Variants in ATOH8 observed in about 807,000 individuals in gnomAD.
ATOH8 encodes transcription factor ATOH8.
A neutral mutation model predicts 21.2 loss-of-function variants in ATOH8; 9 were observed. The ratio of observed to expected loss-of-function variants is 0.42; its 90% CI spans 0.26 to 0.74. The LOEUF is 0.74. Ranked by LOEUF, ATOH8 falls within the 30% of genes least tolerant of loss-of-function variation. The pLI is 0.24. For missense variants in ATOH8, 524 were observed against 470.9 expected (o/e 1.11, Z -1.04); for synonymous variants, 253 against 224.0 (o/e 1.13, Z -1.16).
chr2:85,764,816 C>A (rs1237820171), intron 2 of ATOH8, among the ~76,000 whole-genome samples: 1 of 152,076 alleles, frequency 6.6e-6, no homozygotes, highest in East Asian at 1.9e-4. Flanking sequence ...GTGCTAGGGG[C>A]AGTGGAAGGC....
chr2:85,766,246 T>A lies in ATOH8; in HGVS notation c.960+2064T>A, dbSNP rs575469675. 3.3e-5 allele frequency among the ~76,000 whole-genome samples: 5 copies of A among 152,202 alleles called. No homozygotes were observed. Among genetic ancestry groups the A allele is most frequent in the Non-Finnish European group, 7.4e-5 (5 of 68,008 alleles). On this transcript the variant is annotated intron_variant, in intron 2 of 2. Transcript: ENST00000306279. This position sits in a 1 kb window ranked among gnomAD's most constrained non-coding sequence, Gnocchi z 4.0. The stretch of plus-strand genomic sequence containing the variant: ...TTGAGGCTTATCCTATGGGGCTTAC[T>A]TATGTGGTGAAATTGCCCTGGAGAG...
At chr2:85,769,807 T>G (rs1680131560) in intron 2 of ATOH8, among the ~76,000 whole-genome samples, 1 of 152,148 alleles carries the variant, frequency 6.6e-6, no homozygotes, top group Admixed American at 6.5e-5. Context: ...AGCCGCACCC[T>G]GCCTGGATTC....
intron 1 of ATOH8, 44 bp downstream of exon 1, chr2:85,755,001 C>T: frequency 6.5e-7 from 1 of 1,536,342 alleles, no homozygotes; most frequent in Non-Finnish European, 8.7e-7. Context: ...CGGGGGACGA[C>T]TGCGGGAATG....
chr2:85,779,012 C>T (rs1375582001), intron 2 of ATOH8, among the ~76,000 whole-genome samples: 2 of 151,354 alleles, frequency 1.3e-5, no homozygotes, highest in Non-Finnish European at 3.0e-5. Flanking sequence ...AGCCTGGGTA[C>T]CTCCTCCAGT....
intron 2 of ATOH8, among the ~76,000 whole-genome samples, chr2:85,772,213 G>T (rs1456976810): frequency 6.6e-6 from 1 of 152,226 alleles, no homozygotes; most frequent in Non-Finnish European, 1.5e-5. Context: ...GTCATCAGCT[G>T]CGGGCACCCC....
intron 2 of ATOH8, among the ~76,000 whole-genome samples, chr2:85,765,018 A>G (rs1307349700): frequency 1.3e-5 from 2 of 152,188 alleles, no homozygotes; most frequent in African/African-American, 2.4e-5. Context: ...TTAGTGGGAA[A>G]GGTGTTGGGC....
intron 2 of ATOH8, among the ~76,000 whole-genome samples, chr2:85,786,187 GCT>G (rs1371305631): frequency 6.6e-6 from 1 of 152,168 alleles, no homozygotes; most frequent in Non-Finnish European, 1.5e-5. Flanking sequence ...CATGTCCCAG[GCT>G]CTCTGTTGGA....
intron 2 of ATOH8, among the ~76,000 whole-genome samples, chr2:85,765,151 G>C (rs951039496): frequency 6.6e-6 from 1 of 152,238 alleles, no homozygotes; most frequent in Non-Finnish European, 1.5e-5. Flanking sequence ...GAGCAACAGA[G>C]AGTGGGATCC....
At chr2:85,756,657 A>G (rs1015228991) in intron 1 of ATOH8, among the ~76,000 whole-genome samples, 1 of 152,156 alleles carries the variant, frequency 6.6e-6, no homozygotes, top group Admixed American at 6.5e-5. Context: ...ATCTAAACAT[A>G]ATCCCTGTCG....
At chr2:85,772,757 A>T (rs1324555439) in intron 2 of ATOH8, 1 of 456,682 alleles carries the variant, frequency 2.2e-6, no homozygotes, top group African/African-American at 2.0e-5. Flanking sequence ...TGGCGGCTGG[A>T]ATTCTTGTTT....
chr2:85,754,292 C>A lies in ATOH8; in HGVS notation c.103C>A (p.Arg35=). The change falls in exon 1 of 3, where the codon CGG becomes AGG. Residue 35 remains arginine, a synonymous_variant. Transcript: ENST00000306279. ...KLKRKGKEPA[R]RANGYKTFRL... Reference sequence around the variant, plus strand: ...CAAGCGGAAAGGCAAGGAGCCGGCGCGGCGCGCGAACGGCTATAAAACTTT... The same window carrying A: ...CAAGCGGAAAGGCAAGGAGCCGGCGAGGCGCGCGAACGGCTATAAAACTTT... 6.2e-7 allele frequency: 1 copy of A among 1,610,020 alleles called. No individual in the cohort carries two copies. Among genetic ancestry groups the A allele is most frequent in the Non-Finnish European group, 8.5e-7 (1 of 1,178,868 alleles).
At chr2:85,768,964 G>A (rs892937402) in intron 2 of ATOH8, among the ~76,000 whole-genome samples, 4 of 152,168 alleles carry the variant, frequency 2.6e-5, no homozygotes, top group Admixed American at 6.5e-5. Flanking sequence ...GGCTGCAGCC[G>A]GAGATAATGC....
chr2:85,783,436 C>T (rs917271070), intron 2 of ATOH8, among the ~76,000 whole-genome samples: 2 of 152,032 alleles, frequency 1.3e-5, no homozygotes, highest in Admixed American at 6.5e-5. Flanking sequence ...GGTGTGGTGG[C>T]GCACGCCTGT....
chr2:85,791,053 A>G lies in ATOH8; in HGVS notation c.*4163A>G, dbSNP rs1213435087. The stretch of plus-strand genomic sequence containing the variant: ...CCTGGTTCCAGGAAGACAGCGGGGC[A>G]CAGGGTCCCTGCTTTGTGAGGAGCA... On this transcript the variant is annotated 3_prime_UTR_variant, in exon 3 of 3. Transcript: ENST00000306279. Among the ~76,000 whole-genome samples, 1 of 152,150 alleles carries G rather than the reference A, an allele frequency of 6.6e-6. No homozygotes were observed. The highest frequency in any genetic ancestry group is 1.5e-5 in the Non-Finnish European group (1 of 68,014).
chr2:85,769,996 G>C (rs1680135610), intron 2 of ATOH8, among the ~76,000 whole-genome samples: 1 of 152,212 alleles, frequency 6.6e-6, no homozygotes, highest in Non-Finnish European at 1.5e-5. Context: ...TTTAATGACT[G>C]ACCCCTGTGT....
At chr2:85,775,160 C>CGCAT in intron 2 of ATOH8, 1 of 949,584 alleles carries the variant, frequency 1.1e-6, no homozygotes, top group Non-Finnish European at 1.3e-6. Context: ...GATATTACAT[C>CGCAT]CCATGACACT....
At chr2:85,780,389 G>A (rs906684031) in intron 2 of ATOH8, 1 of 152,248 alleles carries the variant, frequency 6.6e-6, no homozygotes, top group South Asian at 2.1e-4. Context: ...TCTTCTGCAC[G>A]GCCTTGACTG....
chr2:85,791,117 C>T lies in ATOH8; in HGVS notation c.*4227C>T, dbSNP rs530176797. On this transcript the variant is annotated 3_prime_UTR_variant, in exon 3 of 3. Transcript: ENST00000306279. The stretch of plus-strand genomic sequence containing the variant: ...TTTGCCCCCAGGTTTTGCCCTCCCA[C>T]ATGTCTCCCTTCTGGTGACCCGGAC... Among the ~76,000 whole-genome samples the T allele has an allele frequency of 2.0e-5, 3 of 152,324 alleles. No homozygotes were observed. Among genetic ancestry groups the T allele is most frequent in the South Asian group, 4.1e-4 (2 of 4,820 alleles).
rs1219250631 is a variant in ATOH8, at chr2:85,754,620, C to A, written c.431C>A (p.Pro144His). 4.7e-6 allele frequency: 7 copies of A among 1,503,556 alleles called. No individual in the cohort carries two copies. The highest frequency in any genetic ancestry group is 6.2e-6 in the Non-Finnish European group (7 of 1,132,306). 93.1% of individuals were successfully genotyped at this position (1,503,556 alleles called of 1,614,324 possible). The stretch of plus-strand genomic sequence containing the variant: ...GCACCTGGGGGCCCAGAGGCACAGC[C>A]TTTCCGGGAGCCGGGTCTGCGTCCT... Reference protein sequence around the residue: ...SQAPGGPEAQPFREPGLRPRI... With the variant: ...SQAPGGPEAQHFREPGLRPRI... The change falls in exon 1 of 3, where the codon CCT becomes CAT. Residue 144 changes from proline (P) to histidine (H), a missense_variant. Pro to His is a moderately conservative substitution (Grantham distance 77). Coordinates refer to ENST00000306279, the MANE Select transcript of ATOH8 (RefSeq NM_032827.7).
Sources: gnomAD v4.1 joint callset for allele counts (sites outside exome capture counted in the v4.1 genomes callset) on GRCh38, gnomAD v4.1.1 for gene constraint, Gnocchi (gnomAD v3.1) non-coding constraint, MANE v1.5 for transcripts, NCBI Gene and HGNC (gene_info 2026-07-23, HGNC 2026-07-21) for gene names.